ARHGEF33: variants seen among roughly 807,000 people sequenced by gnomAD.
ARHGEF33 encodes the protein Rho guanine nucleotide exchange factor 33.
A neutral mutation model predicts 101.9 loss-of-function variants in ARHGEF33; 72 were observed. The observed-to-expected ratio is 0.71, with a 90% CI of 0.58 to 0.86. The LOEUF (loss-of-function observed/expected upper bound fraction) is 0.86, where lower values mean the gene tolerates loss of function less well. Among genes scored for constraint, ARHGEF33 ranks in the 40% least tolerant of loss-of-function variants. ARHGEF33 has a pLI of 0.00. For missense variants in ARHGEF33, 1,169 were observed against 1,111.3 expected (o/e 1.05, Z -0.74); for synonymous variants, 499 against 442.5 (o/e 1.13, Z -1.60).
chr2:38,963,079 C>G (rs1024434527), intron 16 of ARHGEF33, among the ~76,000 whole-genome samples: 1 of 150,028 alleles, frequency 6.7e-6, no homozygotes, highest in Non-Finnish European at 1.5e-5. Flanking sequence ...AGGTAGCATG[C>G]AGAGTGCAGG....
In ARHGEF33 at chr2:38,899,257, C is replaced by G. The variant is rs3112177; in HGVS notation, c.-86+3408C>G. Among the ~76,000 whole-genome samples, 4 of 152,072 alleles carry G rather than the reference C, an allele frequency of 2.6e-5. No homozygotes were observed. The South Asian group carries it at 6.2e-4, about 24-fold the overall frequency. On this transcript the variant is annotated intron_variant, in intron 2 of 17. Coordinates refer to ENST00000409978, the MANE Select transcript of ARHGEF33 (RefSeq NM_001145451.5). ...CTAATTTTGCACTCTCCTCCATAAA[C>G]TATCTGATCATTAAAAAATATTTGA... is the stretch of plus-strand genomic sequence containing the variant.
intron 1 of ARHGEF33, among the ~76,000 whole-genome samples, chr2:38,893,959 T>C (rs1666064583): frequency 6.6e-6 from 1 of 152,130 alleles, no homozygotes; most frequent in Non-Finnish European, 1.5e-5. Context: ...GACTGAAGAC[T>C]GAAGACTGTT....
At chr2:38,955,769 C>T (rs973692323) in intron 13 of ARHGEF33, among the ~76,000 whole-genome samples, 8 of 151,962 alleles carry the variant, frequency 5.3e-5, no homozygotes, top group African/African-American at 1.7e-4. Context: ...CTCCGCCTCC[C>T]GGGTTCATGC....
At chr2:38,901,937 A>T (rs1230954913) in intron 2 of ARHGEF33, among the ~76,000 whole-genome samples, 1 of 152,106 alleles carries the variant, frequency 6.6e-6, no homozygotes, top group Non-Finnish European at 1.5e-5. Flanking sequence ...AACACAGTGA[A>T]ACCCCATCTC....
chr2:38,894,093 G>C (rs1004290639), intron 1 of ARHGEF33, among the ~76,000 whole-genome samples: 2 of 152,118 alleles, frequency 1.3e-5, no homozygotes, highest in African/African-American at 4.8e-5. Flanking sequence ...CCGAGACACT[G>C]GGATCATTTC....
At chr2:38,904,189 G>A (rs1378292015) in intron 2 of ARHGEF33, among the ~76,000 whole-genome samples, 1 of 152,194 alleles carries the variant, frequency 6.6e-6, no homozygotes, top group Non-Finnish European at 1.5e-5. Flanking sequence ...TCTAGAGAGG[G>A]AATGGGCCTA....
At position 38,960,171 on chromosome 2, in the gene ARHGEF33, C is replaced by G; in HGVS notation, c.1866C>G (p.Ile622Met). The change falls in exon 16 of 18, where the codon ATC becomes ATG. Residue 622 changes from isoleucine (I) to methionine (M), a missense_variant. Physicochemically the swap from Ile to Met is conservative, Grantham distance 10 (BLOSUM62 1). Transcript: ENST00000409978. ...AAGAGTTCGAGTACGGCGGCGAGAT[C>G]TTCGCGCTGCCCGCGCCCTACGACG... ...AYEEFEYGGE[I>M]FALPAPYDEE... 5 of 1,543,004 alleles carry G rather than the reference C, an allele frequency of 3.2e-6. No homozygotes were observed. Among genetic ancestry groups the G allele is most frequent in the Non-Finnish European group, 4.4e-6 (5 of 1,144,776 alleles).
intron 1 of ARHGEF33, among the ~76,000 whole-genome samples, chr2:38,893,514 A>G (rs960332763): frequency 2.6e-5 from 4 of 152,170 alleles, no homozygotes; most frequent in African/African-American, 9.7e-5. Context: ...CCTGGCTCAA[A>G]TCCTATCTTC....
At chr2:38,910,529 C>A (rs1666486580) in intron 2 of ARHGEF33, among the ~76,000 whole-genome samples, 1 of 152,102 alleles carries the variant, frequency 6.6e-6, no homozygotes, top group African/African-American at 2.4e-5. Context: ...GAGATCCTGC[C>A]ACTGCACTCC....
chr2:38,954,806 G>T (rs142398539), intron 13 of ARHGEF33, among the ~76,000 whole-genome samples: 3 of 151,876 alleles, frequency 2.0e-5, no homozygotes, highest in African/African-American at 7.3e-5. Context: ...GCTAATTTTT[G>T]TATTTTTAGT....
Position 38,974,312 on chromosome 2 carries a change from A to C in ARHGEF33, c.*469A>C, listed in dbSNP as rs1558449384. 6.6e-6 allele frequency: 1 copy of C among 152,162 alleles called. No individual in the cohort carries two copies. Among genetic ancestry groups the C allele is most frequent in the African/African-American group, 2.4e-5 (1 of 41,416 alleles). 9.4% of individuals were successfully genotyped at this position (152,162 alleles called of 1,614,324 possible). A position where few individuals can be genotyped will look rare whatever the true frequency, so the allele number is the denominator to read the frequency against. On this transcript the variant is annotated 3_prime_UTR_variant, in exon 18 of 18. Coordinates refer to ENST00000409978, the MANE Select transcript of ARHGEF33 (RefSeq NM_001145451.5). ...TTAGGGGCCAGTTCTGTCTTGCTTC[A>C]TGTCTTCCAAAAACCCTAAGGCAAT... is the stretch of plus-strand genomic sequence containing the variant.
intron 1 of ARHGEF33, among the ~76,000 whole-genome samples, chr2:38,892,066 A>T (rs1317018631): frequency 2.0e-5 from 3 of 152,194 alleles, no homozygotes; most frequent in Non-Finnish European, 4.4e-5. Flanking sequence ...TTCCTAAAAT[A>T]ATCAGAAAAA....
chr2:38,954,632 C>T (rs959922747), intron 13 of ARHGEF33, among the ~76,000 whole-genome samples, 176 bp downstream of exon 13: 1 of 108,664 alleles, frequency 9.2e-6, no homozygotes, highest in Non-Finnish European at 1.7e-5. Context: ...TGAGCTAAAA[C>T]CTTTTTTTTT....
chr2:38,947,512 C>A (rs1218882781), intron 10 of ARHGEF33, among the ~76,000 whole-genome samples: 1 of 152,166 alleles, frequency 6.6e-6, no homozygotes, highest in Non-Finnish European at 1.5e-5. Context: ...ACCTCAGCAT[C>A]CCCAGCTGGG....
intron 1 of ARHGEF33, among the ~76,000 whole-genome samples, chr2:38,890,468 C>CA (rs1572733757): frequency 6.6e-6 from 1 of 152,084 alleles, no homozygotes; most frequent in East Asian, 1.9e-4. Context: ...ATGTACAGAA[C>CA]AAAAAACATA....
chr2:38,974,669 C>A lies in ARHGEF33; in HGVS notation c.*826C>A, dbSNP rs1572788646. On this transcript the variant is annotated 3_prime_UTR_variant, in exon 18 of 18. Coordinates refer to ENST00000409978, the MANE Select transcript of ARHGEF33 (RefSeq NM_001145451.5). ...TCACACACACTCACAACCAGATGGA[C>A]TAGGAAAAAAGCAGTGATTTAGCCA... is the stretch of plus-strand genomic sequence containing the variant. The A allele has an allele frequency of 6.6e-6, 1 of 152,252 alleles. No homozygotes were observed. The highest frequency in any genetic ancestry group is 3.4e-3 in the Middle Eastern group (1 of 294). The allele number at this position is 152,252 out of a possible 1,614,324, so 9.4% of individuals were successfully genotyped here. A position where few individuals can be genotyped will look rare whatever the true frequency, so the allele number is the denominator to read the frequency against.
Position 38,921,252 on chromosome 2 carries a change from G to A in ARHGEF33, c.26-122G>A, listed in dbSNP as rs77239738. On this transcript the variant is annotated intron_variant, in intron 3 of 17. Transcript: ENST00000409978. The stretch of plus-strand genomic sequence containing the variant: ...CATTTTTTGTTCCCCTGGAATCATT[G>A]GTTTCTTGTCGTGCGGGCACAAATG... 48,433 of 657,282 alleles carry A rather than the reference G, an allele frequency of 0.074. 2,551 individuals are homozygous for A. Among genetic ancestry groups the A allele is most frequent in the East Asian group, 0.19 (6,665 of 35,860 alleles). 40.7% of individuals were successfully genotyped at this position (657,282 alleles called of 1,614,324 possible).
intron 10 of ARHGEF33, among the ~76,000 whole-genome samples, chr2:38,946,405 C>T (rs1375564440): frequency 6.6e-6 from 1 of 151,276 alleles, no homozygotes; most frequent in Admixed American, 6.6e-5. Context: ...TAATGCTATT[C>T]ATGTTAGTTA....
At chr2:38,948,934 C>T (rs1667519178) in intron 10 of ARHGEF33, among the ~76,000 whole-genome samples, 1 of 152,182 alleles carries the variant, frequency 6.6e-6, no homozygotes, top group African/African-American at 2.4e-5. Context: ...ATCTCCTAAA[C>T]CCACTGTTCC....
Sources: gnomAD v4.1 joint callset for allele counts (sites outside exome capture counted in the v4.1 genomes callset) on GRCh38, gnomAD v4.1.1 for gene constraint, MANE v1.5 for transcripts, NCBI Gene and HGNC (gene_info 2026-07-23, HGNC 2026-07-21) for gene names.